Variants in SLC6A12 observed in about 807,000 individuals in gnomAD.
SLC6A12 encodes the protein sodium- and chloride-dependent betaine transporter.
SLC6A12 carries 50 observed loss-of-function variants against 73.3 expected under a neutral mutation model. The ratio of observed to expected loss-of-function variants is 0.68; its 90% CI spans 0.54 to 0.86. The LOEUF is 0.86. Among genes scored for constraint, SLC6A12 ranks in the 40% least tolerant of loss-of-function variants. SLC6A12 has a pLI of 0.00. For missense variants in SLC6A12, 648 were observed against 772.8 expected (o/e 0.84, Z 1.92); for synonymous variants, 304 against 309.2 (o/e 0.98, Z 0.18).
chr12:196,964 G>A, intron 10 of SLC6A12, 82 bp from the exon 11 acceptor site: 1 of 893,006 alleles, frequency 1.1e-6, no homozygotes, highest in Non-Finnish European at 1.9e-6. Context: ...AGCACTGTGT[G>A]TGTGTGTACC....
chr12:193,662 C>T (rs1179816239), intron 13 of SLC6A12, among the ~76,000 whole-genome samples: 1 of 152,240 alleles, frequency 6.6e-6, no homozygotes, highest in Non-Finnish European at 1.5e-5. Flanking sequence ...CTGGTCTAAC[C>T]ACAAAGGAGT....
intron 7 of SLC6A12, chr12:199,623 T>G (rs1940106332): frequency 6.6e-6 from 1 of 152,190 alleles, no homozygotes; most frequent in African/African-American, 2.4e-5. Flanking sequence ...TATTACCAAC[T>G]TGTTACAATT....
chr12:184,771 TA>T, the SLC6A12 span, among the ~76,000 whole-genome samples: 8 of 150,920 alleles, frequency 5.3e-5, no homozygotes, highest in African/African-American at 1.7e-4. Flanking sequence ...AATAAAAAAA[TA>T]AAAATACAAA....
At chr12:201,437 G>A in intron 6 of SLC6A12, 1 of 297,506 alleles carries the variant, frequency 3.4e-6, no homozygotes, top group Non-Finnish European at 6.4e-6. Flanking sequence ...GCAGTGGGAA[G>A]AGACATGCAC....
At position 191,168 on chromosome 12, in the gene SLC6A12, G is replaced by A; in HGVS notation, c.1745C>T (p.Pro582Leu). The stretch of plus-strand genomic sequence containing the variant: ...GCCATCCAAGCAGGGATGTTGCTTG[G>A]GCTGTGGCAGACTGGAGTCAGGGGT... ...LITPDSSLPQ[P>L]KQHPCLDGSA... The change falls in exon 16 of 16, where the codon CCC becomes CTC. Residue 582 changes from proline (P) to leucine (L), a missense_variant. Coordinates refer to ENST00000684302, the MANE Select transcript of SLC6A12 (RefSeq NM_001122848.3). 7.7e-7 allele frequency: 1 copy of A among 1,298,928 alleles called. No individual in the cohort carries two copies. Among genetic ancestry groups the A allele is most frequent in the Non-Finnish European group, 9.9e-7 (1 of 1,011,538 alleles). 80.5% of individuals were successfully genotyped at this position (1,298,928 alleles called of 1,614,324 possible).
chr12:209,813 A>G lies in SLC6A12; in HGVS notation c.174T>C (p.Asn58=), dbSNP rs1940828387. The stretch of plus-strand genomic sequence containing the variant: ...AGCAGAGATAGGGAAACCTCCAGAC[A>G]TTGCCCAGCCCAATGATCTCCCCGG... ...SVAGEIIGLG[N]VWRFPYLCYK... Residue 58 remains asparagine (N), a synonymous_variant, in exon 3 of 16, where the codon AAT becomes AAC. Coordinates refer to ENST00000684302, the MANE Select transcript of SLC6A12 (RefSeq NM_001122848.3). 2 of 1,614,114 alleles carry G rather than the reference A, an allele frequency of 1.2e-6. No homozygotes were observed. Among genetic ancestry groups the G allele is most frequent in the Middle Eastern group, 1.6e-4 (1 of 6,062 alleles).
At chr12:187,151 T>C (rs903923893), downstream of SLC6A12, among the ~76,000 whole-genome samples, 2 of 152,176 alleles carry the variant, frequency 1.3e-5, no homozygotes, top group African/African-American at 4.8e-5. Context: ...ACTGGCCAAA[T>C]TGTAGCTGCC....
chr12:202,725 T>A lies in SLC6A12; in HGVS notation c.490+15A>T. ...CCCTAACAGGCAACATCCCAGGGGCTGAAATGATGGATACCTGTGTTCCAA... is the reference window on the plus strand; with the variant it reads ...CCCTAACAGGCAACATCCCAGGGGCAGAAATGATGGATACCTGTGTTCCAA... On this transcript the variant is annotated intron_variant, in intron 5 of 15. Coordinates refer to ENST00000684302, the MANE Select transcript of SLC6A12 (RefSeq NM_001122848.3). The A allele has an allele frequency of 6.2e-7, 1 of 1,610,592 alleles. No individual in the cohort carries two copies. Among genetic ancestry groups the A allele is most frequent in the Non-Finnish European group, 8.5e-7 (1 of 1,177,952 alleles).
downstream of SLC6A12, among the ~76,000 whole-genome samples, chr12:186,452 C>T (rs1337959035): frequency 1.3e-5 from 2 of 152,222 alleles, no homozygotes; most frequent in Admixed American, 6.5e-5. Flanking sequence ...CATTTCTCAC[C>T]TCTCACTGGG....
chr12:202,439 C>G (rs1940319971), intron 5 of SLC6A12, among the ~76,000 whole-genome samples: 1 of 152,182 alleles, frequency 6.6e-6, no homozygotes, highest in South Asian at 2.1e-4. Context: ...CCCTTGGCAC[C>G]GTGTTTAACA....
At chr12:188,652 T>C (rs12308180), downstream of SLC6A12, among the ~76,000 whole-genome samples, 44,249 of 151,776 alleles carry the variant, frequency 0.29, 6,604 homozygotes, top group Middle Eastern at 0.34. Flanking sequence ...ACCCCACAGC[T>C]GCTCCTTACG....
chr12:203,718 C>G (rs1281752225), intron 4 of SLC6A12: 1 of 152,114 alleles, frequency 6.6e-6, no homozygotes, highest in Non-Finnish European at 1.5e-5. Flanking sequence ...CCGGGATGGC[C>G]GAGCCGGGGG....
In SLC6A12 at chr12:198,947, CA is replaced by C; in HGVS notation, c.712-17del. 6.2e-7 allele frequency: 1 copy of C among 1,613,742 alleles called. No individual in the cohort carries two copies. The highest frequency in any genetic ancestry group is 8.5e-7 in the Non-Finnish European group (1 of 1,179,772). ...AATAAACCACCTGGAGGTGGGGGGACAGGCCAAGGTCACTCCTGGTGGGGAC... is the reference window on the plus strand; with the variant it reads ...AATAAACCACCTGGAGGTGGGGGGACGGCCAAGGTCACTCCTGGTGGGGAC... On this transcript the variant is annotated splice_polypyrimidine_tract_variant and intron_variant, in intron 7 of 15. Coordinates refer to ENST00000684302, the MANE Select transcript of SLC6A12 (RefSeq NM_001122848.3). The surrounding 1 kb of genome is among the most constrained non-coding windows in gnomAD (Gnocchi z 4.0).
intron 6 of SLC6A12, 39 bp from the exon 7 acceptor site, chr12:200,822 T>TAAATAAGTAATGAGGGG: frequency 6.3e-7 from 1 of 1,598,464 alleles, no homozygotes; most frequent in Middle Eastern, 1.7e-4. Flanking sequence ...GGGGAAAGGC[T>TAAATAAGTAATGAGGGG]AAAGGGGACA....
the SLC6A12 span, among the ~76,000 whole-genome samples, chr12:184,974 T>G: frequency 2.0e-5 from 3 of 148,980 alleles, no homozygotes; most frequent in African/African-American, 7.4e-5. Context: ...CCTAATGAAA[T>G]GTTAGGGTTC....
At chr12:188,481 G>A (rs955017079), downstream of SLC6A12, among the ~76,000 whole-genome samples, 3 of 152,200 alleles carry the variant, frequency 2.0e-5, no homozygotes, top group East Asian at 1.9e-4. Context: ...TGCAAGCTGA[G>A]GGAGCCGGCT....
chr12:185,396 G>T (rs999619982), downstream of SLC6A12, among the ~76,000 whole-genome samples: 2 of 152,236 alleles, frequency 1.3e-5, no homozygotes, highest in African/African-American at 4.8e-5. Flanking sequence ...GTCCTGCTTG[G>T]GGAAGGGACT....
downstream of SLC6A12, among the ~76,000 whole-genome samples, chr12:186,576 G>A (rs1002049475): frequency 2.6e-5 from 4 of 152,198 alleles, no homozygotes; most frequent in African/African-American, 7.2e-5. Context: ...CAGCTGGGAG[G>A]ATACATTTCC....
Position 202,802 on chromosome 12 carries a change from T to C in SLC6A12, c.428A>G (p.Tyr143Cys), listed in dbSNP as rs1364221747. The part of the protein sequence containing the change: ...YIIILAWALF[Y>C]LFSSFTSELP... Reference sequence around the variant, plus strand: ...CTCAGAAGTGAAGGAGCTGAACAGGTAGAAGAGAGCCCAGGCAAGGATGAT... The same window carrying C: ...CTCAGAAGTGAAGGAGCTGAACAGGCAGAAGAGAGCCCAGGCAAGGATGAT... The change falls in exon 5 of 16, where the codon TAC becomes TGC. Residue 143 changes from tyrosine to cysteine, a missense_variant. Transcript: ENST00000684302. The C allele has an allele frequency of 6.2e-7, 1 of 1,613,798 alleles. No homozygotes were observed. The highest frequency in any genetic ancestry group is 1.3e-5 in the African/African-American group (1 of 74,892).
Sources: gnomAD v4.1 joint callset for allele counts (sites outside exome capture counted in the v4.1 genomes callset) on GRCh38, gnomAD v4.1.1 for gene constraint, Gnocchi (gnomAD v3.1) non-coding constraint, MANE v1.5 for transcripts, NCBI Gene and HGNC (gene_info 2026-07-23, HGNC 2026-07-21) for gene names.